PRKAB2: variants seen among roughly 807,000 people sequenced by gnomAD.
PRKAB2 encodes protein kinase AMP-activated non-catalytic subunit beta 2.
In PRKAB2, 18 loss-of-function variants were observed where a neutral mutation model predicts 29.8. The observed-to-expected ratio is 0.60, with a 90% CI of 0.42 to 0.89. PRKAB2 has a LOEUF of 0.89. Among genes scored for constraint, PRKAB2 ranks in the 40% least tolerant of loss-of-function variants. The pLI is 0.00. For missense variants in PRKAB2, 270 were observed against 344.3 expected, an observed-to-expected ratio of 0.78 and a Z score of 1.71; for synonymous variants, 136 against 125.9, an observed-to-expected ratio of 1.08 and a Z score of -0.54.
intron 2 of PRKAB2, among the ~76,000 whole-genome samples, chr1:147,168,706 T>A (rs1654371146): frequency 6.6e-6 from 1 of 152,242 alleles, no homozygotes; most frequent in South Asian, 2.1e-4. Context: ...TTCATTACTA[T>A]CCTTTGGACC....
In PRKAB2 at chr1:147,168,066, T is replaced by C. The variant is rs587702205; in HGVS notation, c.157-133A>G. 37 of 963,414 alleles carry C rather than the reference T, an allele frequency of 3.8e-5. No individual in the cohort carries two copies. The East Asian group carries it at 6.8e-4, about 18-fold the overall frequency. The allele number at this position is 963,414 out of a possible 1,614,324, so 59.7% of individuals were successfully genotyped here. The stretch of plus-strand genomic sequence containing the variant: ...ATAAACCCCAAAATTAGCAACTAAA[T>C]CAGAGTTTGAACAAATTATAGAAAA... On this transcript the variant is annotated intron_variant, in intron 2 of 7. Coordinates refer to ENST00000254101, the MANE Select transcript of PRKAB2 (RefSeq NM_005399.5).
In PRKAB2 at chr1:147,155,974, T is replaced by C. The variant is rs1010465541; in HGVS notation, c.*3591A>G. 4 of 152,170 alleles carry C rather than the reference T, an allele frequency of 2.6e-5. No homozygotes were observed. Among genetic ancestry groups the C allele is most frequent in the South Asian group, 2.1e-4 (1 of 4,828 alleles). The allele number at this position is 152,170 out of a possible 1,614,324, so 9.4% of individuals were successfully genotyped here. A position where few individuals can be genotyped will look rare whatever the true frequency, so the allele number is the denominator to read the frequency against. ...ACAGTCCTTCCATATCCAATTGTGA[T>C]TGGCACTTAAGGAGAGACAAATGCT... On this transcript the variant is annotated 3_prime_UTR_variant, in exon 8 of 8. Transcript: ENST00000254101.
In PRKAB2 at chr1:147,156,595, G is replaced by GC. The variant is rs1653686014; in HGVS notation, c.*2969dup. The GC allele has an allele frequency of 1.3e-5, 2 of 152,228 alleles. No individual in the cohort carries two copies. Among genetic ancestry groups the GC allele is most frequent in the Admixed American group, 6.5e-5 (1 of 15,270 alleles). The allele number at this position is 152,228 out of a possible 1,614,324, so 9.4% of individuals were successfully genotyped here. ...AGCCAACACTATTGAGGTTAGGTAT[G>GC]CCCTTCAGGGGTGTTGCCTAGAATG... is the stretch of plus-strand genomic sequence containing the variant. On this transcript the variant is annotated 3_prime_UTR_variant, in exon 8 of 8. Transcript: ENST00000254101.
chr1:147,163,693 G>A (rs1553913330), intron 5 of PRKAB2, among the ~76,000 whole-genome samples: 1 of 152,144 alleles, frequency 6.6e-6, no homozygotes, highest in African/African-American at 2.4e-5. Context: ...GAGGGGAGGA[G>A]GGAATGGGAT....
chr1:147,164,235 A>C (rs782742279), intron 5 of PRKAB2, among the ~76,000 whole-genome samples: 205 of 152,264 alleles, frequency 1.3e-3, no homozygotes, highest in Admixed American at 4.1e-3. Context: ...CACCAAATTC[A>C]TTGTAAGAAC....
rs1653661611 is a variant in PRKAB2 at position 147,156,117 on chromosome 1, A to C, written c.*3448T>G. The C allele has an allele frequency of 6.6e-6, 1 of 152,556 alleles. No individual in the cohort carries two copies. Among genetic ancestry groups the C allele is most frequent in the South Asian group, 2.1e-4 (1 of 4,828 alleles). The allele number at this position is 152,556 out of a possible 1,614,324, so 9.5% of individuals were successfully genotyped here. On this transcript the variant is annotated 3_prime_UTR_variant, in exon 8 of 8. Coordinates refer to ENST00000254101, the MANE Select transcript of PRKAB2 (RefSeq NM_005399.5). ...CAGCAAGAACTGGGCTTTAAGGGGA[A>C]TCACAATAATGCAGGAATACACTGT...
intron 5 of PRKAB2, among the ~76,000 whole-genome samples, chr1:147,165,227 C>T (rs1380900357): frequency 1.3e-5 from 2 of 152,156 alleles, no homozygotes; most frequent in African/African-American, 4.8e-5. Flanking sequence ...GAGGTTTCAC[C>T]GTGTTAGCCA....
chr1:147,161,869 CTT>C (rs1653982411), intron 6 of PRKAB2, 89 bp from the exon 7 acceptor site: 10 of 1,075,238 alleles, frequency 9.3e-6, no homozygotes, highest in Non-Finnish European at 6.7e-6. Context: ...CCTCAGAGCT[CTT>C]TGAGAAATTT....
chr1:147,164,787 AT>A (rs1553913477), intron 5 of PRKAB2, among the ~76,000 whole-genome samples: 2 of 152,232 alleles, frequency 1.3e-5, no homozygotes, highest in African/African-American at 4.8e-5. Context: ...AGATTGGGAA[AT>A]TAGGAGAAAG....
At chr1:147,171,492 G>A (rs1462368849) in intron 2 of PRKAB2, among the ~76,000 whole-genome samples, 1 of 152,210 alleles carries the variant, frequency 6.6e-6, no homozygotes, top group Non-Finnish European at 1.5e-5. Context: ...CGTGCCAAAA[G>A]GGAAGAGGAT....
chr1:147,162,033 AAAAATCTT>A (rs1653992361), intron 6 of PRKAB2, among the ~76,000 whole-genome samples: 1 of 152,170 alleles, frequency 6.6e-6, no homozygotes, highest in Non-Finnish European at 1.5e-5. Context: ...GAGCTAAAAC[AAAAATCTT>A]GCCCACAACA....
intron 4 of PRKAB2, 66 bp from the exon 5 acceptor site, chr1:147,166,684 C>T (rs1654267763): frequency 6.3e-7 from 1 of 1,589,570 alleles, no homozygotes; most frequent in African/African-American, 1.4e-5. Flanking sequence ...ATCCAACCTT[C>T]CTCTTTTACT....
chr1:147,166,371 C>T, intron 5 of PRKAB2, 127 bp downstream of exon 5: 1 of 918,904 alleles, frequency 1.1e-6, no homozygotes, highest in Non-Finnish European at 1.6e-6. Context: ...AAATCTCTGT[C>T]TCTCTCTCTC....
At chr1:147,167,670 T>C in intron 3 of PRKAB2, 97 bp downstream of exon 3, 1 of 1,411,628 alleles carries the variant, frequency 7.1e-7, no homozygotes, top group Non-Finnish European at 9.6e-7. Flanking sequence ...GAGACAGTCC[T>C]TAGTAGGTGG....
intron 6 of PRKAB2, 115 bp from the exon 7 acceptor site, chr1:147,161,895 CTA>C: frequency 1.3e-6 from 1 of 785,412 alleles, no homozygotes; most frequent in East Asian, 2.7e-5. Context: ...CTAGAATGCG[CTA>C]TCTCTTTTCA....
At chr1:147,164,111 A>AT (rs1184786559) in intron 5 of PRKAB2, among the ~76,000 whole-genome samples, 16 of 151,320 alleles carry the variant, frequency 1.1e-4, no homozygotes, top group Non-Finnish European at 1.0e-4. Flanking sequence ...TAATTTTTTG[A>AT]TTTTTTTTGT....
chr1:147,165,518 G>A (rs1654196886), intron 5 of PRKAB2, among the ~76,000 whole-genome samples: 2 of 152,152 alleles, frequency 1.3e-5, no homozygotes, highest in African/African-American at 4.8e-5. Context: ...GCAGAGGCAG[G>A]CTTTGAACTC....
At chr1:147,170,632 T>G (rs1386130098) in intron 2 of PRKAB2, among the ~76,000 whole-genome samples, 14 of 151,988 alleles carry the variant, frequency 9.2e-5, no homozygotes, top group Admixed American at 6.6e-4. Context: ...CAGGCTGGAG[T>G]GCAGTGGTTT....
intron 2 of PRKAB2, 55 bp downstream of exon 2, chr1:147,171,934 C>T: frequency 4.5e-6 from 7 of 1,562,514 alleles, no homozygotes; most frequent in Non-Finnish European, 4.3e-6. Flanking sequence ...GGAAGAGGAG[C>T]CCAGAAATCA....
Sources: gnomAD v4.1 joint callset for allele counts (sites outside exome capture counted in the v4.1 genomes callset) on GRCh38, gnomAD v4.1.1 for gene constraint, MANE v1.5 for transcripts, NCBI Gene and HGNC (gene_info 2026-07-23, HGNC 2026-07-21) for gene names.